Variants in CFAP263 observed in about 807,000 individuals in gnomAD.
CFAP263 encodes the protein cilia- and flagella-associated protein 263.
chr16:58,269,329 TCAAAA>T, the CFAP263 span, among the ~76,000 whole-genome samples: 1 of 127,502 alleles, frequency 7.8e-6, no homozygotes, highest in Admixed American at 7.8e-5. Flanking sequence ...AGACTCTGTC[TCAAAA>T]CAAAACAAAA....
At chr16:58,259,706 T>C in the CFAP263 span, 1 of 533,044 alleles carries the variant, frequency 1.9e-6, no homozygotes, top group Non-Finnish European at 3.4e-6. Context: ...CAGCCCCAGC[T>C]TGAGTAGAAG....
At chr16:58,265,960 G>C in the CFAP263 span, among the ~76,000 whole-genome samples, 1 of 152,108 alleles carries the variant, frequency 6.6e-6, no homozygotes, top group Non-Finnish European at 1.5e-5. Flanking sequence ...CCTCCCACCT[G>C]AATTGCTGGA....
At chr16:58,273,780 A>G in the CFAP263 span, among the ~76,000 whole-genome samples, 1 of 152,080 alleles carries the variant, frequency 6.6e-6, no homozygotes. Flanking sequence ...GTGATATAGG[A>G]ATTCTTGATA....
chr16:58,262,411 C>T, the CFAP263 span: 41 of 1,612,332 alleles, frequency 2.5e-5, no homozygotes, highest in African/African-American at 4.4e-4. Context: ...AGGCCCTTCA[C>T]GATGTTGATT....
At chr16:58,268,522 A>G in the CFAP263 span, among the ~76,000 whole-genome samples, 1 of 151,906 alleles carries the variant, frequency 6.6e-6, no homozygotes, top group Non-Finnish European at 1.5e-5. Context: ...GCTTTGTCAA[A>G]CTCTAAAACT....
the CFAP263 span, chr16:58,280,997 G>C: frequency 8.2e-6 from 4 of 488,058 alleles, no homozygotes; most frequent in Non-Finnish European, 1.1e-5. Context: ...ATAGCTTCCT[G>C]GTTCATATTT....
At chr16:58,280,931 C>A in the CFAP263 span, 10 of 601,052 alleles carry the variant, frequency 1.7e-5, no homozygotes, top group African/African-American at 1.8e-4. Context: ...CAAATTCCAA[C>A]AAGATGACTT....
chr16:58,258,006 G>A, the CFAP263 span, among the ~76,000 whole-genome samples: 2 of 151,766 alleles, frequency 1.3e-5, no homozygotes, highest in African/African-American at 4.8e-5. Context: ...TACTCAGGAG[G>A]CTGAGGCAGG....
the CFAP263 span, among the ~76,000 whole-genome samples, chr16:58,260,921 GCTGTAGAGTAC>G: frequency 5.3e-5 from 8 of 152,170 alleles, no homozygotes; most frequent in African/African-American, 1.9e-4. Context: ...GGATGGCTTA[GCTGTAGAGTAC>G]CTGATAAAGT....
At chr16:58,262,103 C>T in the CFAP263 span, among the ~76,000 whole-genome samples, 1 of 151,872 alleles carries the variant, frequency 6.6e-6, no homozygotes, top group African/African-American at 2.4e-5. Context: ...CCCCCACATG[C>T]CCCCCGAACA....
chr16:58,274,722 ATCT>A, the CFAP263 span, among the ~76,000 whole-genome samples: 9 of 152,296 alleles, frequency 5.9e-5, no homozygotes, highest in East Asian at 1.2e-3. Context: ...AGTCAATCAA[ATCT>A]TCTTTTCTTT....
the CFAP263 span, chr16:58,252,726 G>A: frequency 1.2e-6 from 2 of 1,613,032 alleles, no homozygotes; most frequent in Non-Finnish European, 1.7e-6. Flanking sequence ...CTGTCTTGCA[G>A]CTATGTAAAC....
At chr16:58,250,236 T>G in the CFAP263 span, 1 of 591,416 alleles carries the variant, frequency 1.7e-6, no homozygotes, top group Non-Finnish European at 3.0e-6. Context: ...TGGGGAGACT[T>G]TTCCTCTTTA....
At chr16:58,262,763 G>GTAGATAGATAGATAGATAGA in the CFAP263 span, among the ~76,000 whole-genome samples, 8 of 78,412 alleles carry the variant, frequency 1.0e-4, no homozygotes, top group African/African-American at 3.3e-4. Context: ...TAGATGATAG[G>GTAGATAGATAGATAGATAGA]TAGATAGATA....
At chr16:58,270,329 G>T in the CFAP263 span, among the ~76,000 whole-genome samples, 19 of 152,088 alleles carry the variant, frequency 1.2e-4, no homozygotes, top group Non-Finnish European at 1.5e-5. Context: ...AAAAATCATC[G>T]AACACAAAGT....
the CFAP263 span, chr16:58,267,526 G>T: frequency 1.0e-4 from 166 of 1,614,020 alleles, no homozygotes; most frequent in South Asian, 1.5e-3. Flanking sequence ...TGGACAAGGA[G>T]ATCTTGCTGA....
the CFAP263 span, chr16:58,254,213 C>T: frequency 2.6e-6 from 4 of 1,567,310 alleles, no homozygotes; most frequent in Non-Finnish European, 3.5e-6. Flanking sequence ...ACCTCTACCC[C>T]ACTGAGAGGT....
chr16:58,257,977 A>G, the CFAP263 span, among the ~76,000 whole-genome samples: 1 of 151,874 alleles, frequency 6.6e-6, no homozygotes, highest in South Asian at 2.1e-4. Flanking sequence ...GCGTGGTGGC[A>G]GGTGCCTGTA....
At chr16:58,279,598 C>T in the CFAP263 span, 1 of 1,034,278 alleles carries the variant, frequency 9.7e-7, no homozygotes, top group Non-Finnish European at 1.4e-6. Context: ...ATGAGGGCTG[C>T]ATTCTCAGTA....
Sources: gnomAD v4.1 joint callset for allele counts (sites outside exome capture counted in the v4.1 genomes callset) on GRCh38, gnomAD v4.1.1 for gene constraint, MANE v1.5 for transcripts, NCBI Gene and HGNC (gene_info 2026-07-23, HGNC 2026-07-21) for gene names.